The following ELOVL7 variants were observed in gnomAD, a reference collection of about 807,000 sequenced individuals.
ELOVL7 encodes very long chain fatty acid elongase 7.
In ELOVL7, 27 loss-of-function variants were observed where a neutral mutation model predicts 35.7. The ratio of observed to expected loss-of-function variants is 0.76; its 90% confidence interval spans 0.56 to 1.04. The LOEUF is 1.04. Ranked by LOEUF, ELOVL7 falls within the 50% of genes least tolerant of loss-of-function variation. The pLI is 0.00. For missense variants in ELOVL7, 327 were observed against 340.8 expected (o/e 0.96, Z 0.32); for synonymous variants, 113 against 114.6 (o/e 0.99, Z 0.09).
intron 1 of ELOVL7, among the ~76,000 whole-genome samples, 187 bp downstream of exon 1, chr5:60,843,973 G>A (rs1449113775): frequency 1.3e-5 from 2 of 152,070 alleles, no homozygotes; most frequent in East Asian, 1.9e-4. Context: ...CCGAGCCCAG[G>A]GAGGGCCTGG....
chr5:60,798,987 G>T (rs1251593397), intron 2 of ELOVL7, among the ~76,000 whole-genome samples, 193 bp downstream of exon 2: 1 of 152,100 alleles, frequency 6.6e-6, no homozygotes, highest in African/African-American at 2.4e-5. Flanking sequence ...AATTTAAGAT[G>T]ACTAAAATCA....
At chr5:60,809,897 C>A (rs2112315685) in intron 1 of ELOVL7, among the ~76,000 whole-genome samples, 1 of 152,126 alleles carries the variant, frequency 6.6e-6, no homozygotes, top group South Asian at 2.1e-4. Flanking sequence ...GATAAAAATG[C>A]CTTAAAGGGA....
At chr5:60,779,492 G>C (rs2112209016) in intron 3 of ELOVL7, among the ~76,000 whole-genome samples, 1 of 152,290 alleles carries the variant, frequency 6.6e-6, no homozygotes, top group African/African-American at 2.4e-5. Context: ...AGCTGCCAAA[G>C]CTTGGGGCCT....
chr5:60,792,027 G>C (rs1440087444), intron 2 of ELOVL7, among the ~76,000 whole-genome samples: 1 of 152,048 alleles, frequency 6.6e-6, no homozygotes, highest in Non-Finnish European at 1.5e-5. Flanking sequence ...TTCACAGGCA[G>C]CCAAGAAAGC....
chr5:60,774,297 A>C (rs1742776764), intron 3 of ELOVL7, among the ~76,000 whole-genome samples: 2 of 152,202 alleles, frequency 1.3e-5, no homozygotes, highest in Non-Finnish European at 2.9e-5. Flanking sequence ...AAGTTAATTC[A>C]CCACGATTAA....
intron 3 of ELOVL7, among the ~76,000 whole-genome samples, chr5:60,783,124 G>A (rs1743362558): frequency 6.6e-6 from 1 of 152,106 alleles, no homozygotes; most frequent in African/African-American, 2.4e-5. Context: ...TAAGAGCTAG[G>A]GGTCTGGTGT....
chr5:60,809,371 G>A lies in ELOVL7; in HGVS notation c.-85-10141C>T, dbSNP rs150509132. Among the ~76,000 whole-genome samples the A allele has an allele frequency of 3.6e-3, 551 of 152,280 alleles. 5 individuals are homozygous for A. Among genetic ancestry groups the A allele is most frequent in the Non-Finnish European group, 5.0e-3 (340 of 68,032 alleles). ...TCAAACCCAGGCCCCAAGGAGTGAG[G>A]AGGCATTGAAAGTAGCTAGTCTTGA... is the stretch of plus-strand genomic sequence containing the variant. On this transcript the variant is annotated intron_variant, in intron 1 of 8. Coordinates refer to ENST00000508821, the MANE Select transcript of ELOVL7 (RefSeq NM_024930.3).
Position 60,767,825 on chromosome 5 carries a change from T to A in ELOVL7, c.334A>T (p.Arg112Trp). 6.2e-7 allele frequency: 1 copy of A among 1,612,062 alleles called. No individual in the cohort carries two copies. The highest frequency in any genetic ancestry group is 8.5e-7 in the Non-Finnish European group (1 of 1,178,208). The change falls in exon 5 of 9, where the codon AGG becomes TGG. Residue 112 changes from arginine to tryptophan, a missense_variant and splice_region_variant. Coordinates refer to ENST00000508821, the MANE Select transcript of ELOVL7 (RefSeq NM_024930.3). ...VDYSRSPTAL[R>W]MARTCWLYYF... Reference sequence around the variant, plus strand: ...AGTTTTTCCAAAGAGAAACTTACCCTCAAAGCTGTGGGTGACCGTGAATAG... The same window carrying A: ...AGTTTTTCCAAAGAGAAACTTACCCACAAAGCTGTGGGTGACCGTGAATAG...
chr5:60,768,506 G>C (rs539847340), intron 4 of ELOVL7: 1 of 302,588 alleles, frequency 3.3e-6, no homozygotes, highest in African/African-American at 2.2e-5. Flanking sequence ...AGAGGAAAAT[G>C]CTCGTTAACA....
chr5:60,790,235 T>A (rs534372385), intron 2 of ELOVL7, among the ~76,000 whole-genome samples: 2 of 152,152 alleles, frequency 1.3e-5, no homozygotes, highest in East Asian at 3.8e-4. Flanking sequence ...TAATTTTACA[T>A]TTACTCATAG....
chr5:60,758,313 T>A (rs547221636), intron 7 of ELOVL7, among the ~76,000 whole-genome samples: 4 of 152,208 alleles, frequency 2.6e-5, no homozygotes, highest in African/African-American at 9.6e-5. Context: ...CATTCTCCTA[T>A]TGACAGACAT....
In ELOVL7 at chr5:60,795,459, G is replaced by A. The variant is rs147083858; in HGVS notation, c.-35+3721C>T. On this transcript the variant is annotated intron_variant, in intron 2 of 8. Coordinates refer to ENST00000508821, the MANE Select transcript of ELOVL7 (RefSeq NM_024930.3). Reference sequence around the variant, plus strand: ...CCTGAGAGCACGGGGGAGGGACAATGATTGGGATATAAACCCCAGGCATTC... The same window carrying A: ...CCTGAGAGCACGGGGGAGGGACAATAATTGGGATATAAACCCCAGGCATTC... 5.1e-4 allele frequency among the ~76,000 whole-genome samples: 78 copies of A among 152,306 alleles called. No individual in the cohort carries two copies. In the East Asian group the frequency reaches 0.01, roughly 20 times the overall value.
intron 3 of ELOVL7, among the ~76,000 whole-genome samples, chr5:60,785,062 A>G (rs2112230128): frequency 6.6e-6 from 1 of 152,276 alleles, no homozygotes; most frequent in South Asian, 2.1e-4. Context: ...CACAGCCAAT[A>G]AATAACGTGT....
intron 1 of ELOVL7, among the ~76,000 whole-genome samples, chr5:60,838,524 A>G (rs997675028): frequency 1.3e-5 from 2 of 152,050 alleles, no homozygotes; most frequent in Non-Finnish European, 2.9e-5. Context: ...CTAACACTCA[A>G]ATGTTTGTTG....
rs139314196 is a variant in ELOVL7 at position 60,838,303 on chromosome 5, G to A, written c.-86+5857C>T. Among the ~76,000 whole-genome samples the A allele has an allele frequency of 3.5e-3, 533 of 152,198 alleles. 6 individuals carry two copies. The highest frequency in any genetic ancestry group is 0.012 in the African/African-American group (509 of 41,516). On this transcript the variant is annotated intron_variant, in intron 1 of 8. Transcript: ENST00000508821. ...TTCCCACTCCTCGTCCCATTTCTCA[G>A]CTGCCCTAACTCGCACTCTTCCTTC... is the stretch of plus-strand genomic sequence containing the variant.
At chr5:60,828,585 G>A (rs979305815) in intron 1 of ELOVL7, among the ~76,000 whole-genome samples, 13 of 152,018 alleles carry the variant, frequency 8.6e-5, no homozygotes, top group East Asian at 1.9e-4. Flanking sequence ...TTTTCCCTGC[G>A]CTAAGCCCAA....
At chr5:60,820,365 C>A (rs761087511) in intron 1 of ELOVL7, among the ~76,000 whole-genome samples, 5 of 152,196 alleles carry the variant, frequency 3.3e-5, no homozygotes, top group Non-Finnish European at 5.9e-5. Flanking sequence ...TGAGATAATA[C>A]ATTTGTGTTA....
At chr5:60,821,499 T>C (rs532152813) in intron 1 of ELOVL7, among the ~76,000 whole-genome samples, 2 of 152,344 alleles carry the variant, frequency 1.3e-5, no homozygotes, top group South Asian at 4.1e-4. Flanking sequence ...TCTTCATGAC[T>C]AAAAATCCTT....
At chr5:60,786,139 C>A (rs1053443712) in intron 3 of ELOVL7, 1 of 152,148 alleles carries the variant, frequency 6.6e-6, no homozygotes, top group Non-Finnish European at 1.5e-5. Flanking sequence ...CAACTAATAA[C>A]CAGAACACAT....
Sources: gnomAD v4.1 joint callset for allele counts (sites outside exome capture counted in the v4.1 genomes callset) on GRCh38, gnomAD v4.1.1 for gene constraint, MANE v1.5 for transcripts, NCBI Gene and HGNC (gene_info 2026-07-23, HGNC 2026-07-21) for gene names.